The following CPPED1 variants were observed in gnomAD, a reference collection of about 807,000 sequenced individuals.
CPPED1 encodes serine/threonine-protein phosphatase CPPED1.
A neutral mutation model predicts 28.0 loss-of-function variants in CPPED1; 28 were observed. The observed-to-expected ratio is 1.00, with a 90% CI of 0.74 to 1.37. The LOEUF is 1.37. CPPED1 is among the 40% of genes most tolerant of loss of function. The pLI, the probability that CPPED1 is intolerant of heterozygous loss-of-function variation, is 0.00. For missense variants in CPPED1, 504 were observed against 416.5 expected (o/e 1.21, Z -1.83); for synonymous variants, 198 against 180.2 (o/e 1.10, Z -0.79).
chr16:12,666,173 T>A (rs1472516135), intron 3 of CPPED1, among the ~76,000 whole-genome samples: 1 of 151,938 alleles, frequency 6.6e-6, no homozygotes, highest in African/African-American at 2.4e-5. Context: ...GCAGAGCATG[T>A]CTGACATATG....
At chr16:12,799,958 T>G (rs1265106130) in intron 1 of CPPED1, among the ~76,000 whole-genome samples, 1 of 152,150 alleles carries the variant, frequency 6.6e-6, no homozygotes, top group Non-Finnish European at 1.5e-5. Context: ...CTTATAGATT[T>G]ATCATCAAGT....
chr16:12,727,549 A>G (rs1356549583), intron 2 of CPPED1, among the ~76,000 whole-genome samples: 1 of 152,104 alleles, frequency 6.6e-6, no homozygotes, highest in African/African-American at 2.4e-5. Context: ...GATGGGGTCT[A>G]TGTTGCTCAG....
At chr16:12,734,219 A>G (rs1272696334) in intron 2 of CPPED1, among the ~76,000 whole-genome samples, 1 of 151,294 alleles carries the variant, frequency 6.6e-6, no homozygotes, top group African/African-American at 2.4e-5. Context: ...ACAAGCATGC[A>G]CCACCATGCC....
chr16:12,744,825 A>T (rs995948697), intron 2 of CPPED1, among the ~76,000 whole-genome samples: 2 of 152,162 alleles, frequency 1.3e-5, no homozygotes, highest in Non-Finnish European at 2.9e-5. Context: ...CTCCACAAAA[A>T]ATACAAAAAT....
chr16:12,796,516 C>A (rs758147891), intron 1 of CPPED1, among the ~76,000 whole-genome samples: 2 of 151,774 alleles, frequency 1.3e-5, no homozygotes, highest in Non-Finnish European at 2.9e-5. Flanking sequence ...AAAAAAAACT[C>A]ACAATGAGAT....
At chr16:12,687,890 G>A (rs967613436) in intron 3 of CPPED1, among the ~76,000 whole-genome samples, 4 of 151,892 alleles carry the variant, frequency 2.6e-5, no homozygotes, top group African/African-American at 9.7e-5. Flanking sequence ...TATGAAGACA[G>A]TAATAACGTA....
At chr16:12,665,560 G>A (rs922442475) in intron 3 of CPPED1, among the ~76,000 whole-genome samples, 19 of 152,284 alleles carry the variant, frequency 1.2e-4, no homozygotes, top group African/African-American at 4.1e-4. Flanking sequence ...GGGAGGCCAA[G>A]ATGGGTGGAT....
rs1457843631 is a variant in CPPED1 at position 12,709,135 on chromosome 16, T to C, written c.290-4086A>G. ...AAGCCCAAAGCCAACCTCACCAGCA[T>C]CATGAACAGAAAAAACAGAAACCTG... On this transcript the variant is annotated intron_variant, in intron 2 of 3. Coordinates refer to ENST00000381774, the MANE Select transcript of CPPED1 (RefSeq NM_018340.3). This position sits in a 1 kb window ranked among gnomAD's most constrained non-coding sequence, Gnocchi z 4.4. 6.6e-6 allele frequency among the ~76,000 whole-genome samples: 1 copy of C among 152,090 alleles called. No individual in the cohort carries two copies. Among genetic ancestry groups the C allele is most frequent in the East Asian group, 1.9e-4 (1 of 5,196 alleles).
At chr16:12,725,773 C>T (rs374688469) in intron 2 of CPPED1, among the ~76,000 whole-genome samples, 13 of 152,304 alleles carry the variant, frequency 8.5e-5, no homozygotes, top group African/African-American at 2.4e-4. Flanking sequence ...ATATCTTTAG[C>T]GAGTGCTTCC....
In CPPED1 at chr16:12,719,956, A is replaced by G. The variant is rs185079362; in HGVS notation, c.290-14907T>C. 8.5e-5 allele frequency among the ~76,000 whole-genome samples: 13 copies of G among 152,262 alleles called. 1 individual carries two copies. In the East Asian group the frequency reaches 2.1e-3, roughly 25 times the overall value. On this transcript the variant is annotated intron_variant, in intron 2 of 3. Coordinates refer to ENST00000381774, the MANE Select transcript of CPPED1 (RefSeq NM_018340.3). ...CATCACAGAAAAAAAAAAAATTTAA[A>G]CACCTATATAAATACGTGTACGTTA...
At chr16:12,797,523 C>A (rs775882431) in intron 1 of CPPED1, among the ~76,000 whole-genome samples, 18 of 151,748 alleles carry the variant, frequency 1.2e-4, no homozygotes, top group Non-Finnish European at 2.1e-4. Context: ...CCACTGCACT[C>A]CAGCATAGGT....
intron 2 of CPPED1, among the ~76,000 whole-genome samples, chr16:12,758,418 G>A (rs1388253755): frequency 6.6e-6 from 1 of 152,144 alleles, no homozygotes; most frequent in East Asian, 1.9e-4. Flanking sequence ...AGTGAGGCAG[G>A]TACTTGGGAT....
chr16:12,767,470 C>G (rs925537081), intron 2 of CPPED1, among the ~76,000 whole-genome samples: 1 of 152,160 alleles, frequency 6.6e-6, no homozygotes, highest in African/African-American at 2.4e-5. Flanking sequence ...CAGGCAGACA[C>G]GTAAACTGAA....
chr16:12,686,392 G>A (rs1423551322), intron 3 of CPPED1, among the ~76,000 whole-genome samples: 1 of 152,112 alleles, frequency 6.6e-6, no homozygotes, highest in Non-Finnish European at 1.5e-5. Flanking sequence ...CAAATACTAT[G>A]TAAGTTGGTC....
At chr16:12,779,300 C>T (rs1414107843) in intron 2 of CPPED1, among the ~76,000 whole-genome samples, 1 of 152,040 alleles carries the variant, frequency 6.6e-6, no homozygotes, top group East Asian at 1.9e-4. Context: ...CTCACTGTAG[C>T]CTCAAACTCC....
chr16:12,681,848 G>C (rs1035099645), intron 3 of CPPED1, among the ~76,000 whole-genome samples: 4 of 152,106 alleles, frequency 2.6e-5, no homozygotes, highest in Non-Finnish European at 5.9e-5. Flanking sequence ...AATCAGAAAG[G>C]ACATGGGGAT....
rs547947787 is a variant in CPPED1 at position 12,752,352 on chromosome 16, T to C, written c.289+28833A>G. Among the ~76,000 whole-genome samples, 35 of 152,192 alleles carry C rather than the reference T, an allele frequency of 2.3e-4. 2 individuals are homozygous for C. The South Asian group carries it at 3.3e-3, about 14-fold the overall frequency. ...GGGTTTAATGAGTTGTCATGCTTGA[T>C]AAGAAACTCTTATGTTATCTCCTAC... On this transcript the variant is annotated intron_variant, in intron 2 of 3. Coordinates refer to ENST00000381774, the MANE Select transcript of CPPED1 (RefSeq NM_018340.3).
At chr16:12,691,039 C>T (rs764263692) in intron 3 of CPPED1, among the ~76,000 whole-genome samples, 3 of 152,210 alleles carry the variant, frequency 2.0e-5, no homozygotes, top group Non-Finnish European at 4.4e-5. Context: ...GCATTCTGCT[C>T]ATCAACATGC....
At chr16:12,717,363 G>A (rs182932163) in intron 2 of CPPED1, among the ~76,000 whole-genome samples, 2 of 152,072 alleles carry the variant, frequency 1.3e-5, no homozygotes, top group African/African-American at 4.8e-5. Flanking sequence ...TCCCAGGTTC[G>A]CGCCATTCTC....
Sources: allele counts gnomAD v4.1 joint callset (sites outside exome capture counted in the v4.1 genomes callset), GRCh38; gene constraint gnomAD v4.1.1; non-coding constraint Gnocchi (gnomAD v3.1); transcripts MANE v1.5; gene names NCBI Gene and HGNC (gene_info 2026-07-23, HGNC 2026-07-21).